Variants in PIP5K1B observed in about 807,000 individuals in gnomAD.
The protein encoded by PIP5K1B is phosphatidylinositol-4-phosphate 5-kinase type 1 beta.
Under a neutral mutation model 67.0 loss-of-function variants are expected in PIP5K1B, and 42 were observed. That is an observed-to-expected ratio of 0.63 (90% CI 0.49 to 0.81). The LOEUF is 0.81. Among genes scored for constraint, PIP5K1B ranks in the 30% least tolerant of loss-of-function variants. The pLI is 0.00. For missense variants in PIP5K1B, 459 were observed against 646.3 expected (o/e 0.71, Z 3.14); for synonymous variants, 214 against 231.4 (o/e 0.92, Z 0.68).
chr9:68,890,154 C>T (rs772487188), intron 7 of PIP5K1B, among the ~76,000 whole-genome samples: 1 of 152,198 alleles, frequency 6.6e-6, no homozygotes, highest in Non-Finnish European at 1.5e-5. Flanking sequence ...ATTAGCTGTT[C>T]TCAGCTACTA....
intron 5 of PIP5K1B, among the ~76,000 whole-genome samples, chr9:68,875,896 T>C (rs909733563): frequency 2.0e-5 from 3 of 152,162 alleles, no homozygotes; most frequent in South Asian, 2.1e-4. Context: ...AAGGATGAGA[T>C]TGATAAACAT....
intron 1 of PIP5K1B, among the ~76,000 whole-genome samples, chr9:68,732,918 G>A (rs991543980): frequency 1.2e-4 from 6 of 49,108 alleles, no homozygotes; most frequent in Admixed American, 7.1e-4. Context: ...AGGTGGGTTG[G>A]GGGGGGGGCG....
intron 2 of PIP5K1B, among the ~76,000 whole-genome samples, chr9:68,817,480 T>C (rs564408407): frequency 6.6e-6 from 1 of 152,354 alleles, no homozygotes; most frequent in East Asian, 1.9e-4. Flanking sequence ...GGAAACAGTC[T>C]GCATGTTCAT....
At chr9:68,791,971 C>T (rs1157871031) in intron 2 of PIP5K1B, among the ~76,000 whole-genome samples, 1 of 152,170 alleles carries the variant, frequency 6.6e-6, no homozygotes, top group African/African-American at 2.4e-5. Context: ...CTTAAAATGG[C>T]ATCTTCTTCC....
chr9:68,868,771 A>C (rs1823481183), intron 5 of PIP5K1B, among the ~76,000 whole-genome samples: 1 of 152,232 alleles, frequency 6.6e-6, no homozygotes, highest in Non-Finnish European at 1.5e-5. Flanking sequence ...TTCCATATTC[A>C]AGAATAATTA....
intron 11 of PIP5K1B, among the ~76,000 whole-genome samples, chr9:68,920,704 C>G (rs1177323764): frequency 1.3e-5 from 2 of 151,822 alleles, no homozygotes; most frequent in Non-Finnish European, 2.9e-5. Context: ...AGAAAAAAAT[C>G]AGTTAACAAA....
intron 13 of PIP5K1B, among the ~76,000 whole-genome samples, chr9:68,937,742 A>G (rs892590831): frequency 4.6e-5 from 7 of 152,152 alleles, no homozygotes. Context: ...GTGGGCATTT[A>G]GTGCTATAAA....
chr9:68,959,863 C>T (rs1316743827), intron 14 of PIP5K1B, among the ~76,000 whole-genome samples: 1 of 152,164 alleles, frequency 6.6e-6, no homozygotes. Flanking sequence ...AGCAGAGTTA[C>T]TCAACTGAAT....
intron 12 of PIP5K1B, among the ~76,000 whole-genome samples, chr9:68,932,571 G>A (rs1037512035): frequency 2.0e-5 from 3 of 152,062 alleles, no homozygotes; most frequent in East Asian, 1.9e-4. Context: ...AATCCTTAAC[G>A]TCTGGCTTAA....
At chr9:68,768,986 G>A (rs758036829) in intron 2 of PIP5K1B, among the ~76,000 whole-genome samples, 7 of 152,324 alleles carry the variant, frequency 4.6e-5, no homozygotes, top group Admixed American at 2.6e-4. Context: ...TTAGCTAGTC[G>A]TAGTCGCCCT....
intron 14 of PIP5K1B, among the ~76,000 whole-genome samples, chr9:68,961,428 A>G (rs559447446): frequency 6.6e-6 from 1 of 152,364 alleles, no homozygotes; most frequent in African/African-American, 2.4e-5. Context: ...ACTTTAAAGC[A>G]ACTAATTATA....
chr9:68,917,399 TTTTTA>T, intron 8 of PIP5K1B, 144 bp from the exon 9 acceptor site: 1 of 680,998 alleles, frequency 1.5e-6, no homozygotes, highest in African/African-American at 1.8e-5. Context: ...ACCTCAAGTG[TTTTTA>T]TTTTGATTCT....
chr9:68,714,418 T>G (rs988287141), intron 1 of PIP5K1B, among the ~76,000 whole-genome samples: 1 of 152,226 alleles, frequency 6.6e-6, no homozygotes, highest in Admixed American at 6.5e-5. Context: ...CTGCTTCTCA[T>G]CATTTGTGCG....
chr9:68,831,966 G>A (rs1834348549), intron 4 of PIP5K1B, among the ~76,000 whole-genome samples: 2 of 152,096 alleles, frequency 1.3e-5, no homozygotes, highest in Non-Finnish European at 1.5e-5. Flanking sequence ...CGTGAGCCAC[G>A]CCCCAACTAG....
intron 4 of PIP5K1B, among the ~76,000 whole-genome samples, chr9:68,823,184 C>T (rs1257144971): frequency 3.3e-5 from 5 of 152,110 alleles, no homozygotes; most frequent in African/African-American, 9.7e-5. Flanking sequence ...TGATTAGCAA[C>T]GTTAATTTCC....
chr9:68,938,428 A>AT (rs894562909), intron 13 of PIP5K1B, among the ~76,000 whole-genome samples: 100 of 147,056 alleles, frequency 6.8e-4, no homozygotes, highest in East Asian at 9.9e-4. Flanking sequence ...AACTCCTGCC[A>AT]TTTTTTTTTT....
intron 2 of PIP5K1B, chr9:68,788,717 C>A: frequency 3.8e-6 from 1 of 261,180 alleles, no homozygotes; most frequent in South Asian, 5.1e-5. Context: ...CGTTTAGGAC[C>A]CCTTTGGGCA....
At chr9:68,906,030 A>T (rs1476722283) in intron 8 of PIP5K1B, among the ~76,000 whole-genome samples, 2 of 151,938 alleles carry the variant, frequency 1.3e-5, no homozygotes, top group South Asian at 2.1e-4. Context: ...GTGTTTTTTT[A>T]AATTTTGAGA....
chr9:68,777,487 G>C (rs1222054287), intron 2 of PIP5K1B, among the ~76,000 whole-genome samples: 1 of 152,154 alleles, frequency 6.6e-6, no homozygotes, highest in African/African-American at 2.4e-5. Flanking sequence ...TTTTTATAAG[G>C]AACAGTTATG....
Sources: gnomAD v4.1 joint callset for allele counts (sites outside exome capture counted in the v4.1 genomes callset) on GRCh38, gnomAD v4.1.1 for gene constraint, MANE v1.5 for transcripts, NCBI Gene and HGNC (gene_info 2026-07-23, HGNC 2026-07-21) for gene names.